CNTNAP5: variants seen among roughly 807,000 people sequenced by gnomAD.
CNTNAP5 encodes the protein contactin associated protein family member 5.
A neutral mutation model predicts 150.2 loss-of-function variants in CNTNAP5; 72 were observed. The ratio of observed to expected loss-of-function variants is 0.48; its 90% CI spans 0.40 to 0.58. The LOEUF is 0.58. CNTNAP5 is among the 20% of genes least tolerant of loss of function. CNTNAP5 has a pLI of 0.00. For missense variants in CNTNAP5, 1,636 were observed against 1,626.2 expected, an observed-to-expected ratio of 1.01 and a Z score of -0.10; for synonymous variants, 672 against 619.8, an observed-to-expected ratio of 1.08 and a Z score of -1.25.
chr2:124,818,949 T>A (rs988383964), intron 19 of CNTNAP5, among the ~76,000 whole-genome samples: 1 of 152,156 alleles, frequency 6.6e-6, no homozygotes, highest in African/African-American at 2.4e-5. Context: ...ACTAACTTTC[T>A]CTATGTGCAA....
intron 12 of CNTNAP5, among the ~76,000 whole-genome samples, chr2:124,613,225 G>C (rs1677422424): frequency 6.6e-6 from 1 of 152,192 alleles, no homozygotes; most frequent in Non-Finnish European, 1.5e-5. Flanking sequence ...TAAAACATGA[G>C]TGACTTATCA....
At chr2:124,217,227 A>AT (rs147590740) in intron 1 of CNTNAP5, among the ~76,000 whole-genome samples, 2 of 151,860 alleles carry the variant, frequency 1.3e-5, no homozygotes, top group Non-Finnish European at 2.9e-5. Flanking sequence ...CTCTCATTAT[A>AT]TTTTTTTTCT....
intron 1 of CNTNAP5, among the ~76,000 whole-genome samples, chr2:124,195,926 T>C (rs895074638): frequency 6.6e-6 from 1 of 152,178 alleles, no homozygotes; most frequent in Non-Finnish European, 1.5e-5. Flanking sequence ...GCTGCCAAAT[T>C]GCCCACAGTG....
intron 1 of CNTNAP5, among the ~76,000 whole-genome samples, chr2:124,195,404 G>T (rs917705209): frequency 6.6e-6 from 1 of 152,128 alleles, no homozygotes; most frequent in East Asian, 1.9e-4. Context: ...TCTATAAAAG[G>T]TCTAAGAGCC....
intron 11 of CNTNAP5, among the ~76,000 whole-genome samples, chr2:124,597,420 A>G (rs1696853972): frequency 6.7e-6 from 1 of 148,688 alleles, no homozygotes; most frequent in Non-Finnish European, 1.5e-5. Context: ...TTGGCTGGAT[A>G]TGAAATTCTG....
intron 1 of CNTNAP5, among the ~76,000 whole-genome samples, chr2:124,182,038 T>C (rs1209124073): frequency 2.0e-5 from 3 of 152,200 alleles, no homozygotes; most frequent in Non-Finnish European, 4.4e-5. Context: ...AGCTATAATA[T>C]GTAGAGTTTT....
intron 1 of CNTNAP5, among the ~76,000 whole-genome samples, chr2:124,083,251 G>A (rs1682599446): frequency 6.6e-6 from 1 of 152,194 alleles, no homozygotes; most frequent in Non-Finnish European, 1.5e-5. Context: ...AGGAGGCTGA[G>A]GCAGGAGAAT....
At position 124,356,455 on chromosome 2, in the gene CNTNAP5, C is replaced by G. The variant is rs1356088264; in HGVS notation, c.382-60988C>G. ...TATATCTCCCAATGCTATCCCTCCC[C>G]CCTCCCCCCACCCCACCACAGTCCC... On this transcript the variant is annotated intron_variant, in intron 3 of 23. Transcript: ENST00000682447. Among the ~76,000 whole-genome samples, 13 of 118,734 alleles carry G rather than the reference C, an allele frequency of 1.1e-4. No homozygotes were observed. In the South Asian group the frequency reaches 4.5e-3, roughly 41 times the overall value. The allele number at this position is 118,734 out of a possible 152,430, so 77.9% of individuals were successfully genotyped here.
intron 1 of CNTNAP5, among the ~76,000 whole-genome samples, chr2:124,095,372 A>G (rs978922095): frequency 2.0e-5 from 3 of 152,188 alleles, no homozygotes; most frequent in African/African-American, 7.2e-5. Flanking sequence ...GAGGGAGAGC[A>G]TTAGGACAAA....
chr2:124,149,394 C>T (rs962649353), intron 1 of CNTNAP5, among the ~76,000 whole-genome samples: 2 of 101,300 alleles, frequency 2.0e-5, no homozygotes, highest in East Asian at 3.1e-4. Flanking sequence ...TCCAAGATGG[C>T]GTCAATTGCA....
At chr2:124,405,527 T>C (rs889829763) in intron 3 of CNTNAP5, among the ~76,000 whole-genome samples, 3 of 152,186 alleles carry the variant, frequency 2.0e-5, no homozygotes, top group Non-Finnish European at 4.4e-5. Context: ...TAATCTAGTC[T>C]CAACTTCTGA....
intron 3 of CNTNAP5, among the ~76,000 whole-genome samples, chr2:124,362,584 C>T (rs1488504425): frequency 6.6e-6 from 1 of 152,148 alleles, no homozygotes; most frequent in East Asian, 1.9e-4. Context: ...TCATGGATGT[C>T]AGTACATAAA....
intron 3 of CNTNAP5, among the ~76,000 whole-genome samples, chr2:124,311,021 T>C (rs1236876156): frequency 2.0e-5 from 3 of 152,166 alleles, no homozygotes; most frequent in Non-Finnish European, 4.4e-5. Context: ...TTCCTGGTAG[T>C]GAGAGAAGCA....
At chr2:124,797,200 G>A (rs985803020) in intron 18 of CNTNAP5, among the ~76,000 whole-genome samples, 1 of 152,134 alleles carries the variant, frequency 6.6e-6, no homozygotes, top group Non-Finnish European at 1.5e-5. Flanking sequence ...GGACCACATG[G>A]CCGGCATGAA....
At position 124,111,862 on chromosome 2, in the gene CNTNAP5, GT is replaced by G. The variant is rs767291208; in HGVS notation, c.82+86137del. Among the ~76,000 whole-genome samples, 3 of 152,146 alleles carry G rather than the reference GT, an allele frequency of 2.0e-5. No homozygotes were observed. In the South Asian group the frequency reaches 6.2e-4, roughly 32 times the overall value. On this transcript the variant is annotated intron_variant, in intron 1 of 23. Transcript: ENST00000682447. ...GTGTCACTACACTGTATCTATTCAG[GT>G]TTTTTTAAGAAATCAATTCATAATT...
intron 3 of CNTNAP5, among the ~76,000 whole-genome samples, chr2:124,298,288 G>A (rs956623404): frequency 7.2e-5 from 11 of 152,054 alleles, no homozygotes; most frequent in South Asian, 2.1e-4. Context: ...TTCCCAGACC[G>A]AACTGAGGGT....
At chr2:124,742,912 A>C (rs1680526898) in intron 13 of CNTNAP5, among the ~76,000 whole-genome samples, 1 of 152,054 alleles carries the variant, frequency 6.6e-6, no homozygotes, top group Admixed American at 6.6e-5. Flanking sequence ...CTTGCGTTGC[A>C]TGGCTGCTGA....
intron 1 of CNTNAP5, among the ~76,000 whole-genome samples, chr2:124,198,069 A>G (rs1685634367): frequency 6.6e-6 from 1 of 152,028 alleles, no homozygotes; most frequent in Non-Finnish European, 1.5e-5. Context: ...CTTCATATTG[A>G]AAGAAACCTT....
intron 11 of CNTNAP5, among the ~76,000 whole-genome samples, chr2:124,602,116 G>A (rs368276667): frequency 1.6e-3 from 243 of 152,126 alleles, no homozygotes; most frequent in African/African-American, 5.4e-3. Context: ...AGGCCGAGGC[G>A]GGTGGATCAC....
Sources: gnomAD v4.1 joint callset for allele counts (sites outside exome capture counted in the v4.1 genomes callset) on GRCh38, gnomAD v4.1.1 for gene constraint, MANE v1.5 for transcripts, NCBI Gene and HGNC (gene_info 2026-07-23, HGNC 2026-07-21) for gene names.